Variants in ROR1 observed in about 807,000 individuals in gnomAD.
ROR1 encodes inactive tyrosine-protein kinase transmembrane receptor ROR1.
A neutral mutation model predicts 78.8 loss-of-function variants in ROR1; 19 were observed. The ratio of observed to expected loss-of-function variants is 0.24; its 90% CI spans 0.17 to 0.35. The LOEUF (loss-of-function observed/expected upper bound fraction) is 0.35. Among genes scored for constraint, ROR1 ranks in the 10% least tolerant of loss-of-function variants. The pLI is 1.00. For missense variants in ROR1, 917 were observed against 1,177.8 expected (o/e 0.78, Z 3.24); for synonymous variants, 386 against 433.6 (o/e 0.89, Z 1.36).
intron 1 of ROR1, among the ~76,000 whole-genome samples, chr1:63,798,417 G>T (rs1347368424): frequency 6.6e-6 from 1 of 152,138 alleles, no homozygotes; most frequent in Non-Finnish European, 1.5e-5. Context: ...AGTCAGTGGG[G>T]GTTGCAGTTT....
At chr1:64,058,487 A>G (rs192133172) in intron 4 of ROR1, among the ~76,000 whole-genome samples, 58 of 152,058 alleles carry the variant, frequency 3.8e-4, no homozygotes, top group Non-Finnish European at 6.8e-4. Context: ...GCCACTTATT[A>G]GATTGAGAAA....
chr1:63,975,096 G>T (rs1196929478), intron 1 of ROR1, among the ~76,000 whole-genome samples: 1 of 152,080 alleles, frequency 6.6e-6, no homozygotes, highest in East Asian at 1.9e-4. Flanking sequence ...TGCCCAGTAG[G>T]CAATTGGCCA....
At chr1:63,794,339 A>G (rs1344644492) in intron 1 of ROR1, among the ~76,000 whole-genome samples, 1 of 152,224 alleles carries the variant, frequency 6.6e-6, no homozygotes, top group Admixed American at 6.5e-5. Flanking sequence ...TGAGTCGTCC[A>G]TCAACAAGAG....
intron 1 of ROR1, among the ~76,000 whole-genome samples, chr1:63,962,125 T>A (rs918623443): frequency 2.0e-5 from 3 of 152,254 alleles, no homozygotes; most frequent in African/African-American, 7.2e-5. Context: ...CTGGGCATGT[T>A]AGGGTGCATC....
At chr1:64,169,504 C>T (rs1650179707) in intron 8 of ROR1, among the ~76,000 whole-genome samples, 1 of 152,172 alleles carries the variant, frequency 6.6e-6, no homozygotes, top group African/African-American at 2.4e-5. Flanking sequence ...AATAACCTCC[C>T]ACTGGGTCCC....
At chr1:63,786,052 G>A (rs889215061) in intron 1 of ROR1, among the ~76,000 whole-genome samples, 156 of 152,020 alleles carry the variant, frequency 1.0e-3, no homozygotes, top group African/African-American at 3.7e-3. Context: ...AGGAAGGGGG[G>A]AGCTGAACTG....
chr1:63,826,040 G>T (rs1644951098), intron 1 of ROR1, among the ~76,000 whole-genome samples: 1 of 152,182 alleles, frequency 6.6e-6, no homozygotes. Context: ...TGGCAGTAAT[G>T]AATAAGACTG....
At chr1:63,986,975 A>T (rs1352781756) in intron 1 of ROR1, among the ~76,000 whole-genome samples, 2 of 152,116 alleles carry the variant, frequency 1.3e-5, no homozygotes, top group African/African-American at 4.8e-5. Flanking sequence ...AGCAGCAGAG[A>T]ACCAAACCCA....
chr1:64,078,449 G>A (rs1314325729), intron 4 of ROR1, among the ~76,000 whole-genome samples: 1 of 152,182 alleles, frequency 6.6e-6, no homozygotes, highest in East Asian at 1.9e-4. Context: ...AGCTTCAAAT[G>A]TGGAAGACTG....
intron 7 of ROR1, 69 bp from the exon 8 acceptor site, chr1:64,158,912 A>C: frequency 8.5e-7 from 1 of 1,177,596 alleles, no homozygotes; most frequent in Admixed American, 1.8e-5. Flanking sequence ...ATTTTAAACT[A>C]TGCAATGTAA....
chr1:64,081,850 C>G (rs2100632506), intron 4 of ROR1, among the ~76,000 whole-genome samples: 1 of 151,382 alleles, frequency 6.6e-6, no homozygotes, highest in East Asian at 1.9e-4. Flanking sequence ...AGTATGATCT[C>G]AATTCTATAA....
At chr1:64,109,330 G>A (rs1311558799) in intron 4 of ROR1, among the ~76,000 whole-genome samples, 1 of 152,146 alleles carries the variant, frequency 6.6e-6, no homozygotes, top group Non-Finnish European at 1.5e-5. Flanking sequence ...ACAGTCTTAT[G>A]AGGCTGCTGT....
chr1:64,163,451 G>A (rs529245425), intron 8 of ROR1, among the ~76,000 whole-genome samples: 1 of 152,200 alleles, frequency 6.6e-6, no homozygotes, highest in South Asian at 2.1e-4. Flanking sequence ...GTCTGAGAAT[G>A]GGGGCGAGGA....
intron 1 of ROR1, among the ~76,000 whole-genome samples, chr1:64,000,806 C>T (rs768947550): frequency 2.0e-5 from 3 of 152,192 alleles, no homozygotes; most frequent in Non-Finnish European, 4.4e-5. Context: ...CCTCCCCAAA[C>T]GGGAATATGT....
intron 1 of ROR1, among the ~76,000 whole-genome samples, chr1:63,992,400 G>T (rs1195194237): frequency 6.6e-6 from 1 of 151,976 alleles, no homozygotes; most frequent in Non-Finnish European, 1.5e-5. Context: ...TAGGGATGAG[G>T]TTTCACCATG....
chr1:64,006,983 C>T (rs1016343848), intron 1 of ROR1, among the ~76,000 whole-genome samples: 1 of 151,320 alleles, frequency 6.6e-6, no homozygotes, highest in African/African-American at 2.4e-5. Context: ...TATGGAAATA[C>T]GAAAAATGTG....
intron 1 of ROR1, chr1:63,775,246 T>A (rs187039965): frequency 1.4e-4 from 22 of 152,306 alleles, no homozygotes; most frequent in Admixed American, 3.3e-4. Flanking sequence ...CATATTTGAT[T>A]TTGGTAATCT....
chr1:64,014,281 T>C (rs1646500312), intron 2 of ROR1, among the ~76,000 whole-genome samples: 1 of 152,144 alleles, frequency 6.6e-6, no homozygotes, highest in South Asian at 2.1e-4. Flanking sequence ...GGTCCCAGTG[T>C]TCTGTTACAT....
chr1:64,050,544 G>A, intron 3 of ROR1, 142 bp from the exon 4 acceptor site: 1 of 790,994 alleles, frequency 1.3e-6, no homozygotes, highest in Non-Finnish European at 2.1e-6. Context: ...TGGGGGAATA[G>A]AGCAAAACAA....
Sources: allele counts gnomAD v4.1 joint callset (sites outside exome capture counted in the v4.1 genomes callset), GRCh38; gene constraint gnomAD v4.1.1; transcripts MANE v1.5; gene names NCBI Gene and HGNC (gene_info 2026-07-23, HGNC 2026-07-21).